Variants in PTPRG observed in about 807,000 individuals in gnomAD.
PTPRG encodes receptor-type tyrosine-protein phosphatase gamma.
PTPRG carries 102 observed loss-of-function variants against 165.3 expected under a neutral mutation model. The observed-to-expected ratio is 0.62, with a 90% CI of 0.53 to 0.73. PTPRG has a LOEUF of 0.73. Among genes scored for constraint, PTPRG ranks in the 30% least tolerant of loss-of-function variants. The probability of loss-of-function intolerance (pLI) is 0.00; values close to 1 mark genes in which losing one functional copy is unlikely to be tolerated. For synonymous variants in PTPRG, 675 were observed against 669.5 expected (o/e 1.01, Z -0.13); for missense variants, 1,866 against 1,861.4 (o/e 1.00, Z -0.05).
intron 5 of PTPRG, among the ~76,000 whole-genome samples, chr3:62,089,321 T>G (rs1316204553): frequency 6.6e-6 from 1 of 152,200 alleles, no homozygotes; most frequent in Non-Finnish European, 1.5e-5. Context: ...TGGAAGAAAC[T>G]TAATTTTATT....
chr3:62,023,218 A>G (rs1165049513), intron 4 of PTPRG, among the ~76,000 whole-genome samples: 2 of 152,228 alleles, frequency 1.3e-5, no homozygotes, highest in African/African-American at 4.8e-5. Flanking sequence ...AACCTCAGAT[A>G]TAAATATATT....
intron 14 of PTPRG, among the ~76,000 whole-genome samples, chr3:62,241,892 A>AGG (rs1463665942): frequency 2.0e-5 from 3 of 152,224 alleles, no homozygotes; most frequent in Non-Finnish European, 4.4e-5. Flanking sequence ...GTAGTTGAAT[A>AGG]GCTGTCCTCT....
At chr3:62,248,974 G>T (rs1052995015) in intron 15 of PTPRG, among the ~76,000 whole-genome samples, 2 of 152,114 alleles carry the variant, frequency 1.3e-5, no homozygotes, top group Non-Finnish European at 2.9e-5. Flanking sequence ...AACCAACCTT[G>T]TTGGCATATT....
In PTPRG at chr3:62,282,816, C is replaced by A. The variant is rs755840341; in HGVS notation, c.4002C>A (p.Asn1334Lys). The change falls in exon 28 of 30, where the codon AAC becomes AAA. Residue 1334 changes from asparagine to lysine, a missense_variant. Physicochemically the swap from Asn to Lys is moderately conservative, Grantham distance 94. Coordinates refer to ENST00000474889, the MANE Select transcript of PTPRG (RefSeq NM_002841.4). ...APISSTFELI[N>K]VIKEEALTRD... ...TAAGTAGTACCTTTGAACTTATCAA[C>A]GTCATCAAGGAAGAGGCCTTAACAA... is the stretch of plus-strand genomic sequence containing the variant. The A allele has an allele frequency of 6.2e-7, 1 of 1,611,560 alleles. No homozygotes were observed. Among genetic ancestry groups the A allele is most frequent in the South Asian group, 1.1e-5 (1 of 90,852 alleles).
At chr3:61,785,380 G>C (rs768701626) in intron 2 of PTPRG, among the ~76,000 whole-genome samples, 10 of 152,264 alleles carry the variant, frequency 6.6e-5, no homozygotes, top group Non-Finnish European at 1.3e-4. Context: ...GTAGAAGAGA[G>C]ATATATTTAT....
intron 4 of PTPRG, among the ~76,000 whole-genome samples, chr3:62,016,622 C>T (rs2041550283): frequency 6.6e-6 from 1 of 152,210 alleles, no homozygotes; most frequent in Non-Finnish European, 1.5e-5. Context: ...AAAAAGGTCT[C>T]TCTTGCCCTT....
At position 62,271,541 on chromosome 3, in the gene PTPRG, G is replaced by T. The variant is rs1484601331; in HGVS notation, c.3168G>T (p.Val1056=). 1 of 1,613,398 alleles carries T rather than the reference G, an allele frequency of 6.2e-7. No homozygotes were observed. Among genetic ancestry groups the T allele is most frequent in the South Asian group, 1.1e-5 (1 of 90,988 alleles). Residue 1056 remains valine, a synonymous_variant, in exon 21 of 30, where the codon GTG becomes GTT. Coordinates refer to ENST00000474889, the MANE Select transcript of PTPRG (RefSeq NM_002841.4). This position sits in a 1 kb window ranked among gnomAD's most constrained non-coding sequence, Gnocchi z 4.1. ...CTCGGATGCCAGAAACGGGCCCTGT[G>T]TTGGTGCACTGCAGGTAGGGTCTAG... The part of the protein sequence containing the change: ...SAARMPETGP[V]LVHCSAGVGR...
Position 62,003,391 on chromosome 3 carries a change from G to C in PTPRG, c.413G>C (p.Gly138Ala). 6.2e-7 allele frequency: 1 copy of C among 1,614,040 alleles called. No individual in the cohort carries two copies. The highest frequency in any genetic ancestry group is 8.5e-7 in the Non-Finnish European group (1 of 1,179,948). The change falls in exon 4 of 30, where the codon GGT becomes GCT. Residue 138 changes from glycine to alanine, a missense_variant. Coordinates refer to ENST00000474889, the MANE Select transcript of PTPRG (RefSeq NM_002841.4). ...GACGACTATTTTGTCAGTGGAGCTG[G>C]TCTACCTGGCAGATTCAAAGCTGAG... ...LKDDYFVSGA[G>A]LPGRFKAEKV... is the part of the protein sequence containing the mutation.
At chr3:61,684,197 C>T (rs1206576152) in intron 1 of PTPRG, among the ~76,000 whole-genome samples, 1 of 152,154 alleles carries the variant, frequency 6.6e-6, no homozygotes. Flanking sequence ...GTGGTCACAA[C>T]TTGTCCTGTT....
At chr3:61,581,489 G>A (rs895426330) in intron 1 of PTPRG, among the ~76,000 whole-genome samples, 14 of 152,144 alleles carry the variant, frequency 9.2e-5, no homozygotes, top group Admixed American at 1.3e-4. Flanking sequence ...TAGCTCTGGG[G>A]CTTTTTGTCT....
intron 2 of PTPRG, among the ~76,000 whole-genome samples, chr3:61,890,118 T>G (rs1376176200): frequency 6.6e-6 from 1 of 152,212 alleles, no homozygotes; most frequent in Non-Finnish European, 1.5e-5. Flanking sequence ...TGCATTCTTT[T>G]TAGTAACAAA....
At chr3:62,123,391 G>T (rs149609646) in intron 5 of PTPRG, among the ~76,000 whole-genome samples, 1 of 152,088 alleles carries the variant, frequency 6.6e-6, no homozygotes. Context: ...GACTATAGAT[G>T]TGCACCACCA....
chr3:62,234,317 T>C (rs555467266), intron 14 of PTPRG, among the ~76,000 whole-genome samples: 4 of 152,210 alleles, frequency 2.6e-5, no homozygotes, highest in Non-Finnish European at 5.9e-5. Context: ...ACTTTGCAAG[T>C]GGATAAGCAT....
Position 62,181,063 on chromosome 3 carries a change from T to C in PTPRG, c.1034-10406T>C, listed in dbSNP as rs867551837. On this transcript the variant is annotated intron_variant, in intron 8 of 29. Coordinates refer to ENST00000474889, the MANE Select transcript of PTPRG (RefSeq NM_002841.4). ...TGTTTGCTGAGAAACTGAATTGTAATTCAGGGCTTGTTCATGGAAAGGGAG... is the reference window on the plus strand; with the variant it reads ...TGTTTGCTGAGAAACTGAATTGTAACTCAGGGCTTGTTCATGGAAAGGGAG... 2.0e-5 allele frequency among the ~76,000 whole-genome samples: 3 copies of C among 152,316 alleles called. No homozygotes were observed. The South Asian group carries it at 6.2e-4, about 32-fold the overall frequency.
chr3:61,562,892 T>C (rs1699799283), intron 1 of PTPRG, among the ~76,000 whole-genome samples: 1 of 151,826 alleles, frequency 6.6e-6, no homozygotes, highest in Admixed American at 6.6e-5. Context: ...GGAGGCTGGC[T>C]GCGGAGGACT....
chr3:61,738,298 A>G (rs60785012), intron 1 of PTPRG, among the ~76,000 whole-genome samples: 30,572 of 45,872 alleles, frequency 0.67, 8,740 homozygotes, highest in East Asian at 0.72. Flanking sequence ...ATATATATAT[A>G]TATATATATA....
Position 61,943,162 on chromosome 3 carries a change from T to G in PTPRG, c.191-46463T>G, listed in dbSNP as rs1340660637. Among the ~76,000 whole-genome samples the G allele has an allele frequency of 2.6e-5, 4 of 152,218 alleles. No individual in the cohort carries two copies. In the South Asian group the frequency reaches 6.2e-4, roughly 24 times the overall value. ...GAAAAATCCTTACGTGAAAAACAGA[T>G]ACAGATTCTTGTAGTAGGAAGGGAA... On this transcript the variant is annotated intron_variant, in intron 2 of 29. Transcript: ENST00000474889.
chr3:61,871,298 ACTCACTGCAGC>A (rs1214746046), intron 2 of PTPRG, among the ~76,000 whole-genome samples: 16 of 151,704 alleles, frequency 1.1e-4, no homozygotes, highest in African/African-American at 1.5e-4. Flanking sequence ...CACAGTCACA[ACTCACTGCAGC>A]CTCAACCTCC....
At chr3:62,230,056 G>A (rs1466316521) in intron 13 of PTPRG, among the ~76,000 whole-genome samples, 1 of 152,212 alleles carries the variant, frequency 6.6e-6, no homozygotes, top group Non-Finnish European at 1.5e-5. Context: ...GATGTTTGTA[G>A]GACAGTTGTT....
Sources: gnomAD v4.1 joint callset for allele counts (sites outside exome capture counted in the v4.1 genomes callset) on GRCh38, gnomAD v4.1.1 for gene constraint, Gnocchi (gnomAD v3.1) non-coding constraint, MANE v1.5 for transcripts, NCBI Gene and HGNC (gene_info 2026-07-23, HGNC 2026-07-21) for gene names.